Variants in AFG2A observed in about 807,000 individuals in gnomAD.
AFG2A encodes the protein AAA ATPase AFG2A.
chr4:123,176,856 G>A, the AFG2A span, among the ~76,000 whole-genome samples: 1 of 152,090 alleles, frequency 6.6e-6, no homozygotes, highest in Non-Finnish European at 1.5e-5. Context: ...GTGGGGGAAG[G>A]GGGAGGAGGA....
the AFG2A span, among the ~76,000 whole-genome samples, chr4:123,304,453 G>T: frequency 2.0e-5 from 3 of 152,122 alleles, no homozygotes; most frequent in Non-Finnish European, 4.4e-5. Context: ...GCAAGGCTGT[G>T]AAAGTGAAAA....
At chr4:123,056,733 T>G in the AFG2A span, among the ~76,000 whole-genome samples, 1 of 152,246 alleles carries the variant, frequency 6.6e-6, no homozygotes, top group Admixed American at 6.5e-5. Flanking sequence ...TTACTAATAG[T>G]TAATAATACC....
At chr4:122,945,158 C>G in the AFG2A span, among the ~76,000 whole-genome samples, 13 of 152,176 alleles carry the variant, frequency 8.5e-5, no homozygotes, top group Admixed American at 4.6e-4. Context: ...AACCACGGCT[C>G]TCTTCAAAGC....
chr4:123,170,751 T>TATATAAAAATAAAGATA, the AFG2A span, among the ~76,000 whole-genome samples: 1 of 152,210 alleles, frequency 6.6e-6, no homozygotes, highest in Non-Finnish European at 1.5e-5. Context: ...AATGTGGACT[T>TATATAAAAATAAAGATA]ATATAAAAAT....
chr4:123,317,107 C>A, the AFG2A span: 1 of 151,856 alleles, frequency 6.6e-6, no homozygotes, highest in Non-Finnish European at 1.5e-5. Flanking sequence ...CGCCTGTAGT[C>A]CCAGTTACTC....
chr4:123,054,214 G>C, the AFG2A span, among the ~76,000 whole-genome samples: 13 of 152,318 alleles, frequency 8.5e-5, no homozygotes, highest in African/African-American at 3.1e-4. Context: ...AAGCTCAGTG[G>C]AGCAGATCAG....
At chr4:123,067,376 G>C in the AFG2A span, among the ~76,000 whole-genome samples, 34 of 151,946 alleles carry the variant, frequency 2.2e-4, no homozygotes, top group Non-Finnish European at 4.7e-4. Flanking sequence ...AATTAGCTTG[G>C]CATGGTGGCG....
the AFG2A span, among the ~76,000 whole-genome samples, chr4:123,268,596 C>T: frequency 6.6e-6 from 1 of 152,180 alleles, no homozygotes; most frequent in East Asian, 1.9e-4. Context: ...AGCTGTACGA[C>T]AGGAGAGCTA....
At chr4:123,287,936 A>C in the AFG2A span, among the ~76,000 whole-genome samples, 46 of 152,280 alleles carry the variant, frequency 3.0e-4, no homozygotes, top group South Asian at 7.1e-3. Context: ...AGGGAACAAG[A>C]AGTCCACATG....
At chr4:123,044,205 G>C in the AFG2A span, among the ~76,000 whole-genome samples, 6 of 152,144 alleles carry the variant, frequency 3.9e-5, no homozygotes, top group Admixed American at 3.9e-4. Flanking sequence ...TGGAAAGTTT[G>C]CACAACTTTA....
At chr4:122,934,468 T>A in the AFG2A span, 1 of 1,614,216 alleles carries the variant, frequency 6.2e-7, no homozygotes, top group Non-Finnish European at 8.5e-7. Context: ...TAAATGTAAT[T>A]TTGAATCTGC....
At chr4:123,068,187 A>G in the AFG2A span, among the ~76,000 whole-genome samples, 1 of 152,208 alleles carries the variant, frequency 6.6e-6, no homozygotes, top group South Asian at 2.1e-4. Context: ...AAACTTTTTC[A>G]TAGAGTTGTT....
At chr4:123,280,762 G>A in the AFG2A span, among the ~76,000 whole-genome samples, 1 of 152,086 alleles carries the variant, frequency 6.6e-6, no homozygotes, top group Non-Finnish European at 1.5e-5. Context: ...TTAGGGTCAG[G>A]TGATTAGCAA....
the AFG2A span, among the ~76,000 whole-genome samples, chr4:123,293,700 G>T: frequency 2.0e-5 from 3 of 152,192 alleles, no homozygotes; most frequent in African/African-American, 7.2e-5. Flanking sequence ...ATGCAGACAA[G>T]GCAGTGCCCT....
the AFG2A span, among the ~76,000 whole-genome samples, chr4:123,154,947 A>G: frequency 3.0e-4 from 45 of 152,008 alleles, no homozygotes; most frequent in African/African-American, 1.0e-3. Context: ...TTTTCTGTCC[A>G]CTTCTGCCCC....
the AFG2A span, among the ~76,000 whole-genome samples, chr4:123,021,467 C>G: frequency 3.9e-5 from 6 of 152,178 alleles, no homozygotes; most frequent in African/African-American, 1.4e-4. Context: ...CCTTGCTCTT[C>G]TTAAACCCCA....
the AFG2A span, among the ~76,000 whole-genome samples, chr4:122,937,115 A>C: frequency 6.6e-6 from 1 of 152,170 alleles, no homozygotes; most frequent in Non-Finnish European, 1.5e-5. Context: ...TCACTGCTGC[A>C]CTCTAGCCTG....
At chr4:123,063,504 T>C in the AFG2A span, among the ~76,000 whole-genome samples, 1 of 152,174 alleles carries the variant, frequency 6.6e-6, no homozygotes, top group African/African-American at 2.4e-5. Flanking sequence ...CCCAGCACTT[T>C]GGGAGGCCGA....
chr4:122,978,654 A>G, the AFG2A span, among the ~76,000 whole-genome samples: 1 of 152,166 alleles, frequency 6.6e-6, no homozygotes, highest in Non-Finnish European at 1.5e-5. Context: ...CATGTCGTCC[A>G]TGGTGCTGGG....
Sources: allele counts gnomAD v4.1 joint callset (sites outside exome capture counted in the v4.1 genomes callset), GRCh38; gene constraint gnomAD v4.1.1; transcripts MANE v1.5; gene names NCBI Gene and HGNC (gene_info 2026-07-23, HGNC 2026-07-21).